The following LAPTM4A variants were observed in gnomAD, a reference collection of about 807,000 sequenced individuals.
LAPTM4A encodes the protein lysosomal protein transmembrane 4 alpha, also known as lysosomal-associated transmembrane protein 4A.
A neutral mutation model predicts 29.9 loss-of-function variants in LAPTM4A; 19 were observed. That is an observed-to-expected ratio of 0.64 (90% CI 0.44 to 0.93). LAPTM4A has a LOEUF of 0.93. Among genes scored for constraint, LAPTM4A ranks in the 40% least tolerant of loss-of-function variants. The probability of loss-of-function intolerance (pLI) is 0.00; values close to 1 mark genes in which losing one functional copy is unlikely to be tolerated. For synonymous variants in LAPTM4A, 105 were observed against 102.1 expected (o/e 1.03, Z -0.17); for missense variants, 293 against 288.5 (o/e 1.02, Z -0.11).
In LAPTM4A at chr2:20,033,021, TAAC is replaced by T. The variant is rs1195105329; in HGVS notation, c.*181_*183del. ...AAAAACTATTAAAATGTAAAAGACT[TAAC>T]AAAAAAACAAAAAGACGTTTAACAG... is the stretch of plus-strand genomic sequence containing the variant. On this transcript the variant is annotated 3_prime_UTR_variant, in exon 7 of 7. Transcript: ENST00000175091. 14 of 582,434 alleles carry T rather than the reference TAAC, an allele frequency of 2.4e-5. No individual in the cohort carries two copies. Among genetic ancestry groups the T allele is most frequent in the Admixed American group, 9.0e-5 (3 of 33,464 alleles). 36.1% of individuals were successfully genotyped at this position (582,434 alleles called of 1,614,324 possible). A position where few individuals can be genotyped will look rare whatever the true frequency, so the allele number is the denominator to read the frequency against.
chr2:20,050,562 G>A (rs974260946), intron 1 of LAPTM4A, among the ~76,000 whole-genome samples: 2 of 152,152 alleles, frequency 1.3e-5, no homozygotes, highest in Admixed American at 6.5e-5. Context: ...GACAAGTTAG[G>A]TTTAATGTGC....
intron 1 of LAPTM4A, among the ~76,000 whole-genome samples, chr2:20,046,508 A>G (rs961738940): frequency 9.9e-5 from 15 of 151,576 alleles, no homozygotes; most frequent in Admixed American, 2.0e-4. Flanking sequence ...TTATTTTGAG[A>G]CAGGGTCTCA....
chr2:20,038,934 T>C (rs1257750089), intron 2 of LAPTM4A, among the ~76,000 whole-genome samples: 2 of 152,094 alleles, frequency 1.3e-5, no homozygotes, highest in Admixed American at 6.5e-5. Flanking sequence ...TTTTTTTTTT[T>C]CTTTGAGACA....
intron 2 of LAPTM4A, among the ~76,000 whole-genome samples, chr2:20,040,565 G>A (rs1008048997): frequency 1.3e-5 from 2 of 152,142 alleles, no homozygotes; most frequent in Non-Finnish European, 2.9e-5. Context: ...ATATCATGAG[G>A]GTTCCATAAC....
At chr2:20,034,561 C>A (rs939695348) in intron 5 of LAPTM4A, 146 bp from the exon 6 acceptor site, 6 of 629,066 alleles carry the variant, frequency 9.5e-6, no homozygotes, top group African/African-American at 9.2e-5. Flanking sequence ...AGGCCAGGCC[C>A]TTTCCCTACT....
Position 20,034,418 on chromosome 2 carries a change from G to A in LAPTM4A, c.529-3C>T. 9 of 1,602,584 alleles carry A rather than the reference G, an allele frequency of 5.6e-6. No homozygotes were observed. The highest frequency in any genetic ancestry group is 7.7e-6 in the Non-Finnish European group (9 of 1,169,566). ...CAAACACAGTTAATTAGATAAGCCT[G>A]GAAGAATAAAAACAAAGTTGACATC... On this transcript the variant is annotated splice_region_variant and splice_polypyrimidine_tract_variant and intron_variant, in intron 5 of 6. Transcript: ENST00000175091.
intron 1 of LAPTM4A, among the ~76,000 whole-genome samples, chr2:20,046,803 T>TATAATATAATATATATA (rs1293006235): frequency 1.4e-4 from 20 of 142,394 alleles, no homozygotes; most frequent in Non-Finnish European, 2.6e-4. Context: ...ATAATATATA[T>TATAATATAATATATATA]TTTTTTTTGG....
intron 1 of LAPTM4A, among the ~76,000 whole-genome samples, chr2:20,041,685 C>T (rs1000134458): frequency 1.3e-5 from 2 of 152,140 alleles, no homozygotes; most frequent in African/African-American, 2.4e-5. Context: ...CAGGTGCCCA[C>T]GACCATACGC....
At chr2:20,033,359 T>A in intron 6 of LAPTM4A, 80 bp from the exon 7 acceptor site, 1 of 1,112,110 alleles carries the variant, frequency 9.0e-7, no homozygotes, top group Non-Finnish European at 1.4e-6. Context: ...TCAGACTTTA[T>A]GCCCTAAATA....
chr2:20,037,625 A>G lies in LAPTM4A; in HGVS notation c.233-11T>C, dbSNP rs1292258248. ...GAACACAGGCATTATCTAAGAAAACAAAAACAAAAATCTAATTAAGCTACT... is the reference window on the plus strand; with the variant it reads ...GAACACAGGCATTATCTAAGAAAACGAAAACAAAAATCTAATTAAGCTACT... On this transcript the variant is annotated splice_polypyrimidine_tract_variant and intron_variant, in intron 2 of 6. Coordinates refer to ENST00000175091, the MANE Select transcript of LAPTM4A (RefSeq NM_014713.5). 1 of 1,570,622 alleles carries G rather than the reference A, an allele frequency of 6.4e-7. No individual in the cohort carries two copies. The highest frequency in any genetic ancestry group is 8.7e-7 in the Non-Finnish European group (1 of 1,153,054).
intron 1 of LAPTM4A, among the ~76,000 whole-genome samples, chr2:20,048,749 G>T (rs565496642): frequency 6.6e-6 from 1 of 152,210 alleles, no homozygotes; most frequent in Non-Finnish European, 1.5e-5. Flanking sequence ...TGACAAGGTA[G>T]GTAGGGAGGG....
chr2:20,041,908 A>C (rs1489980026), intron 1 of LAPTM4A, among the ~76,000 whole-genome samples: 1 of 152,118 alleles, frequency 6.6e-6, no homozygotes, highest in African/African-American at 2.4e-5. Flanking sequence ...CAGCCTCCAA[A>C]TACTGTGTTC....
At chr2:20,040,782 A>T in intron 2 of LAPTM4A, 109 bp downstream of exon 2, 1 of 1,059,234 alleles carries the variant, frequency 9.4e-7, no homozygotes, top group Non-Finnish European at 1.4e-6. Flanking sequence ...TTCACACAAC[A>T]ATATCACCCA....
intron 1 of LAPTM4A, among the ~76,000 whole-genome samples, chr2:20,050,351 C>G (rs1674026644): frequency 6.6e-6 from 1 of 152,178 alleles, no homozygotes; most frequent in African/African-American, 2.4e-5. Context: ...ACAGAGAAAA[C>G]AGATTGTGTC....
chr2:20,042,844 T>A (rs929685322), intron 1 of LAPTM4A, among the ~76,000 whole-genome samples: 1 of 152,230 alleles, frequency 6.6e-6, no homozygotes, highest in African/African-American at 2.4e-5. Flanking sequence ...GGCTTCCTTA[T>A]CTAGCATAGT....
intron 1 of LAPTM4A, among the ~76,000 whole-genome samples, chr2:20,046,665 A>G (rs1289378778): frequency 6.8e-6 from 1 of 147,562 alleles, no homozygotes. Flanking sequence ...GCTAATATAT[A>G]TATGTATGTA....
chr2:20,035,267 T>C (rs1310351860), intron 4 of LAPTM4A: 2 of 529,288 alleles, frequency 3.8e-6, no homozygotes, highest in Non-Finnish European at 6.8e-6. Context: ...AGAGTACATT[T>C]GATAACCCAC....
At chr2:20,040,864 T>A in intron 2 of LAPTM4A, 27 bp downstream of exon 2, 3 of 1,606,358 alleles carry the variant, frequency 1.9e-6, no homozygotes, top group Non-Finnish European at 2.6e-6. Flanking sequence ...CAGGGGAGAT[T>A]TTTTTGTTTT....
rs745859129 is a variant in LAPTM4A, at chr2:20,033,252, C to T, written c.655G>A (p.Val219Met). Residue 219 changes from valine to methionine, a missense_variant, in exon 7 of 7, where the codon GTG (valine) becomes ATG (methionine). Coordinates refer to ENST00000175091, the MANE Select transcript of LAPTM4A (RefSeq NM_014713.5). ...GGTGGTTCTTTTTCAGGCATTTTCA[C>T]GGCCATTTCATAGGTTGGCAAAACG... is the stretch of plus-strand genomic sequence containing the variant. ...QYVLPTYEMA[V>M]KMPEKEPPPP... The T allele has an allele frequency of 9.9e-6, 16 of 1,613,864 alleles. No homozygotes were observed. Among genetic ancestry groups the T allele is most frequent in the Non-Finnish European group, 1.1e-5 (13 of 1,179,940 alleles).
Sources: gnomAD v4.1 joint callset for allele counts (sites outside exome capture counted in the v4.1 genomes callset) on GRCh38, gnomAD v4.1.1 for gene constraint, MANE v1.5 for transcripts, NCBI Gene and HGNC (gene_info 2026-07-23, HGNC 2026-07-21) for gene names.